The following SIGIRR variants were observed in gnomAD, a reference collection of about 807,000 sequenced individuals.
SIGIRR encodes the protein single Ig and TIR domain containing, also known as single Ig IL-1-related receptor.
Under a neutral mutation model 45.6 loss-of-function variants are expected in SIGIRR, and 41 were observed. The observed-to-expected ratio is 0.90, with a 90% CI of 0.70 to 1.17. The LOEUF is 1.17. Ranked by LOEUF, SIGIRR falls within the 50% of genes most tolerant of loss-of-function variation. SIGIRR has a pLI of 0.00. For synonymous variants in SIGIRR, 298 were observed against 239.0 expected (o/e 1.25, Z -2.28); for missense variants, 599 against 539.6 (o/e 1.11, Z -1.09).
chr11:409,383 C>G (rs776573253), intron 2 of SIGIRR: 16 of 279,748 alleles, frequency 5.7e-5, no homozygotes, highest in Non-Finnish European at 9.1e-5. Context: ...CCTGGATGGG[C>G]ACAGCTGGGA....
At chr11:410,862 C>T (rs1298928174) in intron 1 of SIGIRR, among the ~76,000 whole-genome samples, 1 of 23,406 alleles carries the variant, frequency 4.3e-5, no homozygotes, top group Non-Finnish European at 7.7e-5. Context: ...TGGATACAGT[C>T]GGCGGGGGTG....
At chr11:417,384 T>C (rs1847916949), upstream of SIGIRR, 1 of 152,036 alleles carries the variant, frequency 6.6e-6, no homozygotes. The surrounding 1 kb of genome is among the most constrained non-coding windows in gnomAD (Gnocchi z 4.2). Flanking sequence ...CTGAGCCAGG[T>C]GCGCAGCGGC....
Position 408,702 on chromosome 11 carries a change from A to C in SIGIRR, c.199T>G (p.Tyr67Asp). The change falls in exon 3 of 10, where the codon TAC becomes GAC. Residue 67 changes from tyrosine to aspartate, a missense_variant. Tyr to Asp is a radical substitution (Grantham distance 160, BLOSUM62 -3). Coordinates refer to ENST00000431843, the MANE Select transcript of SIGIRR (RefSeq NM_001135054.2). Reference protein sequence around the residue: ...GIGGHYSLHEYSWVKANLSEV... With the variant: ...GIGGHYSLHEDSWVKANLSEV... The stretch of plus-strand genomic sequence containing the variant: ...GATACCCGGGTCTCTTACCAGGAGT[A>C]CTCGTGGAGGCTGTAGTGGCCCCCA... The C allele has an allele frequency of 6.2e-7, 1 of 1,612,596 alleles. No individual in the cohort carries two copies. Among genetic ancestry groups the C allele is most frequent in the Non-Finnish European group, 8.5e-7 (1 of 1,179,886 alleles).
chr11:405,933 G>C lies in SIGIRR; in HGVS notation c.1196C>G (p.Thr399Arg). 6.2e-7 allele frequency: 1 copy of C among 1,611,074 alleles called. No homozygotes were observed. The highest frequency in any genetic ancestry group is 1.3e-5 in the African/African-American group (1 of 74,994). Residue 399 changes from threonine to arginine, a missense_variant, in exon 10 of 10, where the codon ACA (threonine) becomes AGA (arginine). Thr to Arg is a moderately conservative substitution (Grantham distance 71). Transcript: ENST00000431843. ...CTTGGACACCAGGCAGTAGAAGTCT[G>C]TGCGGGCACTGTAGTTTCGCGAGCC... is the stretch of plus-strand genomic sequence containing the variant. ...DLGSRNYSARTDFYCLVSKDD... is the reference protein window; with the variant it reads ...DLGSRNYSARRDFYCLVSKDD...
chr11:406,053 C>G lies in SIGIRR; in HGVS notation c.1076G>C (p.Arg359Pro). The change falls in exon 10 of 10, where the codon CGG (arginine) becomes CCG (proline). Residue 359 changes from arginine (R) to proline (P), a missense_variant. Coordinates refer to ENST00000431843, the MANE Select transcript of SIGIRR (RefSeq NM_001135054.2). ...DPDPEGDLGV[R>P]GPVFGEPSAP... ...TGATGGCTCTCCAAAGACAGGCCCC[C>G]GGACACCTGGGGTGGGGAGACCGAG... 1 of 1,578,744 alleles carries G rather than the reference C, an allele frequency of 6.3e-7. No individual in the cohort carries two copies. Among genetic ancestry groups the G allele is most frequent in the Non-Finnish European group, 8.6e-7 (1 of 1,163,682 alleles).
intron 8 of SIGIRR, 145 bp downstream of exon 8, chr11:406,698 C>T: frequency 1.4e-6 from 2 of 1,413,214 alleles, no homozygotes; most frequent in Non-Finnish European, 1.9e-6. Context: ...GCATCGGGGC[C>T]CCAGGCAGCG....
At position 407,475 on chromosome 11, in the gene SIGIRR, C is replaced by G. The variant is rs1348130325; in HGVS notation, c.575G>C (p.Arg192Pro). ...NFILKPQLER[R>P]RGYKLFLDDR... The stretch of plus-strand genomic sequence containing the variant: ...GTCCAGGAAGAGCTTGTAGCCCCGA[C>G]GCCGCTCCAGCTGCGGCTTTAGGAT... Residue 192 changes from arginine (R) to proline (P), a missense_variant, in exon 6 of 10, where the codon CGT becomes CCT. Coordinates refer to ENST00000431843, the MANE Select transcript of SIGIRR (RefSeq NM_001135054.2). 1 of 1,578,846 alleles carries G rather than the reference C, an allele frequency of 6.3e-7. No individual in the cohort carries two copies.
At chr11:407,346 G>GC in intron 6 of SIGIRR, 79 bp downstream of exon 6, 1 of 1,275,126 alleles carries the variant, frequency 7.8e-7, no homozygotes, top group Non-Finnish European at 1.0e-6. Context: ...TGGGGGTGGG[G>GC]CCCCGGGTGG....
intron 2 of SIGIRR, chr11:409,628 G>T (rs1847498079): frequency 9.3e-6 from 4 of 429,180 alleles, no homozygotes; most frequent in Admixed American, 8.1e-5. Flanking sequence ...GCATTCCTGG[G>T]CTTTACTGAC....
rs1564886376 is a variant in SIGIRR, at chr11:406,443, C to G, written c.975G>C (p.Gln325His). 1 of 1,612,760 alleles carries G rather than the reference C, an allele frequency of 6.2e-7. No homozygotes were observed. Among genetic ancestry groups the G allele is most frequent in the Non-Finnish European group, 8.5e-7 (1 of 1,179,920 alleles). Residue 325 changes from glutamine to histidine, a missense_variant, in exon 9 of 10, where the codon CAG (glutamine) becomes CAC (histidine). Transcript: ENST00000431843. Reference sequence around the variant, plus strand: ...GAATCAGCATGGGGTCCTTGTCGTCCTGCAGCTGCGTCTGGGGGTCTCCTT... The same window carrying G: ...GAATCAGCATGGGGTCCTTGTCGTCGTGCAGCTGCGTCTGGGGGTCTCCTT... Reference protein sequence around the residue: ...PVEGDPQTQLQDDKDPMLILR... With the variant: ...PVEGDPQTQLHDDKDPMLILR...
At chr11:414,609 G>A (rs571811292) in intron 1 of SIGIRR, among the ~76,000 whole-genome samples, 6 of 152,188 alleles carry the variant, frequency 3.9e-5, no homozygotes, top group East Asian at 1.9e-4. Context: ...CCATTGCAAC[G>A]CTTGTCACAG....
chr11:408,650 C>A (rs749606272), intron 3 of SIGIRR, 45 bp downstream of exon 3: 8 of 1,605,806 alleles, frequency 5.0e-6, no homozygotes, highest in Non-Finnish European at 6.8e-6. Context: ...CTGCCCTTGG[C>A]ATGTCTGAGA....
intron 2 of SIGIRR, 94 bp from the exon 3 acceptor site, chr11:408,987 T>G: frequency 1.7e-6 from 2 of 1,162,232 alleles, no homozygotes; most frequent in Non-Finnish European, 2.5e-6. Flanking sequence ...ATAAGGCCTC[T>G]GTGTGGCTTG....
rs775248485 is a variant in SIGIRR, at chr11:406,911, G to A, written c.811C>T (p.Pro271Ser). 1.2e-5 allele frequency: 19 copies of A among 1,593,144 alleles called. No individual in the cohort carries two copies. In the South Asian group the frequency reaches 1.9e-4, roughly 16 times the overall value. ...FEGQRRDPAH[P>S]ALRLLRQHRH... ...TGCTGGCGCAGCAGGCGGAGCGCCG[G>A]GTGCGCGGGGTCGCGCCTCTGGCCC... Residue 271 changes from proline to serine, a missense_variant, in exon 8 of 10, where the codon CCG becomes TCG. Transcript: ENST00000431843.
chr11:407,118 G>GC lies in SIGIRR; in HGVS notation c.671_672insG (p.Ile225HisfsTer116). Reference sequence around the variant, plus strand: ...GGAAGGCGTCCGAAAGCACCACGATGAGGCGTCGGCAGCGGCTCAGGTTCA... The same window carrying GC: ...GGAAGGCGTCCGAAAGCACCACGATGCAGGCGTCGGCAGCGGCTCAGGTTCA... On this transcript the variant is annotated frameshift_variant, in exon 7 of 10. Coordinates refer to ENST00000431843, the MANE Select transcript of SIGIRR (RefSeq NM_001135054.2). LOFTEE classifies it high-confidence loss of function. 4 of 1,534,464 alleles carry GC rather than the reference G, an allele frequency of 2.6e-6. No homozygotes were observed. Among genetic ancestry groups the GC allele is most frequent in the Admixed American group, 3.9e-5 (2 of 51,778 alleles).
In SIGIRR at chr11:414,694, C is replaced by T. The variant is rs573812134; in HGVS notation, c.-154+129G>A. ...ACCCTTGGCCGCTGATGCGACACAG[C>T]CTCCTGCTGCCCCTCGCTCTGTCTC... is the stretch of plus-strand genomic sequence containing the variant. On this transcript the variant is annotated intron_variant, in intron 1 of 9. Transcript: ENST00000431843. The T allele has an allele frequency of 1.2e-5, 7 of 577,208 alleles. No individual in the cohort carries two copies. The East Asian group carries it at 1.0e-3, about 83-fold the overall frequency. The allele number at this position is 577,208 out of a possible 1,614,324, so 35.8% of individuals were successfully genotyped here.
chr11:408,775 GC>G lies in SIGIRR; in HGVS notation c.125del (p.Cys42SerfsTer9). ...TCAGCCACTGGACTGAAGGCAGGGA[GC>G]AGTGGGGCCCAGAGACTACCCAAGC... ...CTAWVVSGPHCSLPSVQWLKD... is the reference protein window; with the variant it reads ...CTAWVVSGPHXSLPSVQWLKD... On this transcript the variant is annotated frameshift_variant, in exon 3 of 10. Transcript: ENST00000431843. LOFTEE classifies it high-confidence loss of function. 1 of 1,612,820 alleles carries G rather than the reference GC, an allele frequency of 6.2e-7. No individual in the cohort carries two copies. The highest frequency in any genetic ancestry group is 8.5e-7 in the Non-Finnish European group (1 of 1,180,000).
chr11:411,727 G>T (rs1421208675), intron 1 of SIGIRR, among the ~76,000 whole-genome samples: 125 of 73,716 alleles, frequency 1.7e-3, no homozygotes, highest in East Asian at 2.9e-3. Flanking sequence ...GGGGGGGGGG[G>T]TGCCCAGCTC....
upstream of SIGIRR, among the ~76,000 whole-genome samples, chr11:415,623 G>C (rs778040867): frequency 6.6e-6 from 1 of 152,178 alleles, no homozygotes; most frequent in Admixed American, 6.5e-5. The surrounding 1 kb of genome is among the most constrained non-coding windows in gnomAD (Gnocchi z 6.6). Context: ...TAGCTCCCCC[G>C]ATGGGTGAGC....
Sources: gnomAD v4.1 joint callset for allele counts (sites outside exome capture counted in the v4.1 genomes callset) on GRCh38, gnomAD v4.1.1 for gene constraint, Gnocchi (gnomAD v3.1) non-coding constraint, MANE v1.5 for transcripts, NCBI Gene and HGNC (gene_info 2026-07-23, HGNC 2026-07-21) for gene names.